BIRC6: variants seen among roughly 807,000 people sequenced by gnomAD.
BIRC6 encodes the protein baculoviral IAP repeat containing 6.
In BIRC6, 98 loss-of-function variants were observed where a neutral mutation model predicts 503.3. The observed-to-expected ratio is 0.19, with a 90% confidence interval of 0.17 to 0.23. The LOEUF is 0.23. Ranked by LOEUF, BIRC6 falls within the 10% of genes least tolerant of loss-of-function variation. The pLI is 1.00. For missense variants in BIRC6, 5,360 were observed against 5,806.0 expected (o/e 0.92, Z 2.50); for synonymous variants, 2,240 against 2,078.7 (o/e 1.08, Z -2.11).
At chr2:32,582,076 C>G (rs190009464) in intron 66 of BIRC6, among the ~76,000 whole-genome samples, 314 of 152,254 alleles carry the variant, frequency 2.1e-3, no homozygotes, top group Middle Eastern at 3.4e-3. Context: ...CCAAGCTGGT[C>G]TTGAACTCCT....
chr2:32,568,328 G>A (rs1476853955), intron 65 of BIRC6, among the ~76,000 whole-genome samples: 14 of 149,148 alleles, frequency 9.4e-5, no homozygotes, highest in Admixed American at 2.7e-4. Context: ...CCAACTCTAC[G>A]AAAAAATAGA....
chr2:32,443,076 A>G (rs1391591343), intron 19 of BIRC6, among the ~76,000 whole-genome samples: 3 of 152,244 alleles, frequency 2.0e-5, no homozygotes, highest in Non-Finnish European at 4.4e-5. Flanking sequence ...ATAATATACT[A>G]TGATAAAAGT....
intron 71 of BIRC6, among the ~76,000 whole-genome samples, chr2:32,603,619 G>T (rs922324430): frequency 7.2e-5 from 11 of 152,120 alleles, no homozygotes; most frequent in African/African-American, 2.4e-4. Context: ...ACTAGGAGGC[G>T]CCTCTGAGGT....
At chr2:32,575,487 G>C in intron 66 of BIRC6, 121 bp downstream of exon 66, 1 of 883,266 alleles carries the variant, frequency 1.1e-6, no homozygotes, top group South Asian at 1.6e-5. Flanking sequence ...ACCCTCGGCT[G>C]GGTGCGGTGG....
intron 73 of BIRC6, among the ~76,000 whole-genome samples, chr2:32,617,037 A>G (rs1176012276): frequency 1.3e-5 from 2 of 152,196 alleles, no homozygotes; most frequent in Admixed American, 6.6e-5. Context: ...TTGAGGCTGC[A>G]TGAGCTGTGA....
intron 38 of BIRC6, 124 bp downstream of exon 38, chr2:32,481,577 C>T (rs551773791): frequency 3.9e-5 from 28 of 711,810 alleles, no homozygotes; most frequent in East Asian, 1.1e-4. Context: ...CCATCCTGGC[C>T]AACATAGTGA....
intron 3 of BIRC6, among the ~76,000 whole-genome samples, chr2:32,384,632 G>A (rs922737038): frequency 2.0e-5 from 3 of 152,166 alleles, no homozygotes; most frequent in Non-Finnish European, 4.4e-5. Flanking sequence ...GGGAAATGAC[G>A]TGATATTTGC....
chr2:32,548,301 G>A (rs2058189034), intron 64 of BIRC6, among the ~76,000 whole-genome samples: 1 of 126,800 alleles, frequency 7.9e-6, no homozygotes, highest in African/African-American at 3.1e-5. Context: ...CTTGTTTAAT[G>A]TGTTGTATCT....
At chr2:32,594,431 C>A in intron 67 of BIRC6, 1 of 169,110 alleles carries the variant, frequency 5.9e-6, no homozygotes, top group Non-Finnish European at 1.3e-5. Flanking sequence ...GTGACTCACG[C>A]CTTTAACCCC....
At chr2:32,402,049 G>C (rs984024859) in intron 8 of BIRC6, among the ~76,000 whole-genome samples, 6 of 152,208 alleles carry the variant, frequency 3.9e-5, no homozygotes, top group Non-Finnish European at 7.3e-5. Flanking sequence ...ATAATAATGG[G>C]ATGACCTGAG....
chr2:32,418,406 ATT>A (rs1386469584), intron 10 of BIRC6, among the ~76,000 whole-genome samples: 1 of 152,228 alleles, frequency 6.6e-6, no homozygotes. Flanking sequence ...TAAGTAACTT[ATT>A]AAGTAATAGA....
At chr2:32,564,834 G>A (rs1405302576) in intron 65 of BIRC6, 1 of 152,228 alleles carries the variant, frequency 6.6e-6, no homozygotes, top group Non-Finnish European at 1.5e-5. Context: ...CTGTACTAAG[G>A]CATAGCTTTC....
intron 65 of BIRC6, among the ~76,000 whole-genome samples, chr2:32,561,181 G>C (rs1363355407): frequency 6.7e-6 from 1 of 150,342 alleles, no homozygotes; most frequent in Non-Finnish European, 1.5e-5. Flanking sequence ...CTGGGTGACG[G>C]AGTGAGACTA....
intron 3 of BIRC6, among the ~76,000 whole-genome samples, chr2:32,381,860 C>T (rs2037710824): frequency 6.6e-6 from 1 of 151,998 alleles, no homozygotes. Flanking sequence ...CTTTTTTTCA[C>T]TCAAGAATTT....
intron 12 of BIRC6, among the ~76,000 whole-genome samples, chr2:32,431,405 A>G (rs1431964525): frequency 1.3e-5 from 2 of 151,818 alleles, no homozygotes; most frequent in East Asian, 1.9e-4. Flanking sequence ...TCTGTTGGCC[A>G]TGCTGGTCCC....
At chr2:32,607,188 A>G (rs2062529375) in intron 71 of BIRC6, among the ~76,000 whole-genome samples, 1 of 119,330 alleles carries the variant, frequency 8.4e-6, no homozygotes, top group African/African-American at 3.5e-5. Context: ...TATTATTATT[A>G]TTATCATCTA....
At chr2:32,583,723 A>G (rs1479877412) in intron 66 of BIRC6, among the ~76,000 whole-genome samples, 1 of 152,058 alleles carries the variant, frequency 6.6e-6, no homozygotes. Context: ...ATAATGCTAA[A>G]ACGTATTGTA....
chr2:32,536,681 C>A (rs1004216617), intron 61 of BIRC6, among the ~76,000 whole-genome samples: 3 of 152,090 alleles, frequency 2.0e-5, no homozygotes, highest in Non-Finnish European at 2.9e-5. Context: ...GTTTTGGTAC[C>A]AGTACCATGC....
rs748463263 is a variant in BIRC6, at chr2:32,545,663, T to G, written c.12613T>G (p.Ser4205Ala). 43 of 1,613,550 alleles carry G rather than the reference T, an allele frequency of 2.7e-5. No individual in the cohort carries two copies. The highest frequency in any genetic ancestry group is 1.6e-4 in the Middle Eastern group (1 of 6,068). The change falls in exon 63 of 74, where the codon TCA becomes GCA. Residue 4205 changes from serine to alanine, a missense_variant. Ser to Ala is a moderately conservative substitution (Grantham distance 99). Transcript: ENST00000421745. The stretch of plus-strand genomic sequence containing the variant: ...TCTAGGTCATATTCTTCAATCTCCA[T>G]CAGCCAATGTGCTTCCAACCCTTCC... ...GEGSHILQSP[S>A]ANVLPTLPFH...
Sources: allele counts gnomAD v4.1 joint callset (sites outside exome capture counted in the v4.1 genomes callset), GRCh38; gene constraint gnomAD v4.1.1; transcripts MANE v1.5; gene names NCBI Gene and HGNC (gene_info 2026-07-23, HGNC 2026-07-21).